Variants in RNF11 observed in about 807,000 individuals in gnomAD.
The protein encoded by RNF11 is ring finger protein 11.
Under a neutral mutation model 15.8 loss-of-function variants are expected in RNF11, and 4 were observed. That is an observed-to-expected ratio of 0.25 (90% confidence interval 0.12 to 0.58). RNF11 has a LOEUF of 0.58. RNF11 is among the 20% of genes least tolerant of loss of function. The probability of loss-of-function intolerance (pLI) is 0.91; values close to 1 mark genes in which losing one functional copy is unlikely to be tolerated. For missense variants in RNF11, 139 were observed against 194.4 expected (o/e 0.71, Z 1.70); for synonymous variants, 68 against 72.3 (o/e 0.94, Z 0.30).
chr1:51,249,882 T>C (rs1646868766), intron 1 of RNF11, among the ~76,000 whole-genome samples: 1 of 152,198 alleles, frequency 6.6e-6, no homozygotes. Flanking sequence ...TTTTCAAAAA[T>C]AAACAAGAGT....
At chr1:51,243,341 A>G (rs72692292) in intron 1 of RNF11, among the ~76,000 whole-genome samples, 2,388 of 152,314 alleles carry the variant, frequency 0.016, 21 homozygotes, top group Middle Eastern at 0.031. Context: ...CAGCAACATA[A>G]TTGATGTCTC....
intron 1 of RNF11, among the ~76,000 whole-genome samples, chr1:51,256,041 T>C (rs1451792866): frequency 6.6e-6 from 1 of 152,236 alleles, no homozygotes; most frequent in Non-Finnish European, 1.5e-5. Context: ...TAATTTTTTT[T>C]AATGAACCCA....
chr1:51,253,896 T>C (rs186751371), intron 1 of RNF11, among the ~76,000 whole-genome samples: 16 of 151,930 alleles, frequency 1.1e-4, no homozygotes, highest in Admixed American at 2.0e-4. Flanking sequence ...CACTTTGGGA[T>C]GTGGAGGCGG....
chr1:51,253,543 G>T (rs1646890805), intron 1 of RNF11, among the ~76,000 whole-genome samples: 1 of 151,148 alleles, frequency 6.6e-6, no homozygotes, highest in Admixed American at 6.6e-5. Flanking sequence ...AAAAAAAGGA[G>T]GTGGGGGAAA....
intron 1 of RNF11, among the ~76,000 whole-genome samples, chr1:51,268,512 G>T (rs903432529): frequency 1.3e-5 from 2 of 152,042 alleles, no homozygotes; most frequent in Non-Finnish European, 1.5e-5. Flanking sequence ...TCTGCTTTCT[G>T]TGTTCTCTAC....
intron 1 of RNF11, among the ~76,000 whole-genome samples, chr1:51,247,113 T>C (rs1300724560): frequency 1.3e-5 from 2 of 152,134 alleles, no homozygotes; most frequent in East Asian, 1.9e-4. Flanking sequence ...TCAGCTGTGA[T>C]CTAAATGAAA....
At chr1:51,244,666 G>A (rs1383498323) in intron 1 of RNF11, among the ~76,000 whole-genome samples, 7 of 152,128 alleles carry the variant, frequency 4.6e-5, no homozygotes, top group Non-Finnish European at 1.0e-4. Flanking sequence ...GAGCCACCGC[G>A]CCCAGCCTGA....
intron 1 of RNF11, among the ~76,000 whole-genome samples, chr1:51,245,467 T>C (rs933207862): frequency 2.0e-5 from 3 of 151,860 alleles, no homozygotes; most frequent in Non-Finnish European, 2.9e-5. Context: ...GCCTTTTTTT[T>C]TGGAGATGGA....
chr1:51,265,306 A>C (rs1015648607), intron 1 of RNF11: 1 of 150,176 alleles, frequency 6.7e-6, no homozygotes, highest in Non-Finnish European at 1.5e-5. Context: ...CCTGGGTGAC[A>C]GAGTGAGACC....
chr1:51,256,653 A>G (rs1646905510), intron 1 of RNF11, among the ~76,000 whole-genome samples: 1 of 151,998 alleles, frequency 6.6e-6, no homozygotes, highest in Non-Finnish European at 1.5e-5. Context: ...CACCCTAAGC[A>G]TACCATTTTT....
intron 1 of RNF11, among the ~76,000 whole-genome samples, chr1:51,243,245 C>G (rs2148065307): frequency 6.6e-6 from 1 of 152,248 alleles, no homozygotes; most frequent in East Asian, 1.9e-4. Context: ...TGTAGACACC[C>G]AGTGAATATT....
intron 1 of RNF11, among the ~76,000 whole-genome samples, chr1:51,261,573 TC>T (rs1646930753): frequency 6.6e-6 from 1 of 152,188 alleles, no homozygotes; most frequent in Non-Finnish European, 1.5e-5. Flanking sequence ...GGAGTCTTGC[TC>T]TGTTGCCCAG....
chr1:51,269,051 C>G (rs1301075899), intron 1 of RNF11, among the ~76,000 whole-genome samples: 1 of 152,146 alleles, frequency 6.6e-6, no homozygotes, highest in Admixed American at 6.5e-5. Flanking sequence ...GAGACTTGGT[C>G]CAAGCAATCA....
At chr1:51,249,930 A>G (rs180707082) in intron 1 of RNF11, among the ~76,000 whole-genome samples, 24 of 152,248 alleles carry the variant, frequency 1.6e-4, no homozygotes, top group Admixed American at 1.4e-3. Flanking sequence ...CATTCCTACC[A>G]CCTAGATTCT....
rs72904229 is a variant in RNF11 at position 51,270,933 on chromosome 1, C to T, written c.294-218C>T. 9.0e-3 allele frequency among the ~76,000 whole-genome samples: 1,371 copies of T among 152,274 alleles called. 22 individuals carry two copies. The highest frequency in any genetic ancestry group is 0.032 in the African/African-American group (1,329 of 41,552). ...CCATTTCTCTTTGCTCTGTTGATTG[C>T]TCCTAAGTCCTGCAAATTCTCAGGG... On this transcript the variant is annotated intron_variant, in intron 2 of 2. Coordinates refer to ENST00000242719, the MANE Select transcript of RNF11 (RefSeq NM_014372.5).
At position 51,246,233 on chromosome 1, in the gene RNF11, C is replaced by T. The variant is rs547763627; in HGVS notation, c.123+9354C>T. On this transcript the variant is annotated intron_variant, in intron 1 of 2. Transcript: ENST00000242719. ...TGAGGCTAGGTTGCGCTGTTGCACTCTAGCCTGGGCAACAAGAGTGAAACT... is the reference window on the plus strand; with the variant it reads ...TGAGGCTAGGTTGCGCTGTTGCACTTTAGCCTGGGCAACAAGAGTGAAACT... Among the ~76,000 whole-genome samples the T allele has an allele frequency of 9.2e-4, 140 of 152,216 alleles. 2 individuals are homozygous for T. Among genetic ancestry groups the T allele is most frequent in the African/African-American group, 3.2e-3 (134 of 41,542 alleles).
intron 1 of RNF11, among the ~76,000 whole-genome samples, chr1:51,257,499 G>C (rs897410888): frequency 6.6e-6 from 1 of 152,084 alleles, no homozygotes; most frequent in African/African-American, 2.4e-5. Flanking sequence ...CTGCGGACCA[G>C]AATGGAATAC....
At chr1:51,257,632 ATT>A (rs1283892973) in intron 1 of RNF11, among the ~76,000 whole-genome samples, 1 of 151,530 alleles carries the variant, frequency 6.6e-6, no homozygotes, top group Non-Finnish European at 1.5e-5. Flanking sequence ...TAATTTTTGT[ATT>A]TTTTGTAGAG....
chr1:51,251,347 C>A, intron 1 of RNF11: 1 of 1,516,946 alleles, frequency 6.6e-7, no homozygotes, highest in South Asian at 1.2e-5. Context: ...CGGCCTCGGC[C>A]CCGGCCCCGT....
Sources: allele counts gnomAD v4.1 joint callset (sites outside exome capture counted in the v4.1 genomes callset), GRCh38; gene constraint gnomAD v4.1.1; transcripts MANE v1.5; gene names NCBI Gene and HGNC (gene_info 2026-07-23, HGNC 2026-07-21).